TNRC18: variants seen among roughly 807,000 people sequenced by gnomAD.
The protein encoded by TNRC18 is trinucleotide repeat containing 18.
Under a neutral mutation model 226.7 loss-of-function variants are expected in TNRC18, and 69 were observed. The observed-to-expected ratio is 0.30, with a 90% CI of 0.25 to 0.37. TNRC18 has a LOEUF of 0.37. Ranked by LOEUF, TNRC18 falls within the 10% of genes least tolerant of loss-of-function variation. The pLI is 1.00. For synonymous variants in TNRC18, 2,449 were observed against 1,927.6 expected, an observed-to-expected ratio of 1.27 and a Z score of -7.09; for missense variants, 4,754 against 4,256.6, an observed-to-expected ratio of 1.12 and a Z score of -3.25.
chr7:5,361,070 T>C (rs1192074146), intron 14 of TNRC18, among the ~76,000 whole-genome samples: 1 of 152,058 alleles, frequency 6.6e-6, no homozygotes, highest in Admixed American at 6.6e-5. Context: ...AAGCTCTCAT[T>C]CCAGCTGGCG....
chr7:5,420,873 G>A, intron 2 of TNRC18, 187 bp downstream of exon 2: 1 of 797,132 alleles, frequency 1.3e-6, no homozygotes, highest in South Asian at 1.5e-5. Context: ...GCCGAGCCGC[G>A]CGACACTCTC....
chr7:5,384,725 T>C (rs1324609642), intron 5 of TNRC18, among the ~76,000 whole-genome samples: 3 of 152,156 alleles, frequency 2.0e-5, no homozygotes, highest in Non-Finnish European at 4.4e-5. Flanking sequence ...GGAGACCTTT[T>C]TCCATCACCA....
At chr7:5,387,386 T>C (rs1207430025) in intron 5 of TNRC18, among the ~76,000 whole-genome samples, 1 of 152,206 alleles carries the variant, frequency 6.6e-6, no homozygotes, top group Admixed American at 6.5e-5. Flanking sequence ...AGACCATCTG[T>C]TCTCAGGAAA....
intron 11 of TNRC18, 39 bp downstream of exon 11, chr7:5,370,336 C>T (rs1180409587): frequency 1.3e-5 from 19 of 1,511,494 alleles, no homozygotes; most frequent in Non-Finnish European, 1.6e-5. Context: ...AAAACTAAAA[C>T]TCACGAATCT....
rs757926552 is a variant in TNRC18 at position 5,332,823 on chromosome 7, G to C, written c.5946C>G (p.Phe1982Leu). 34 of 1,507,620 alleles carry C rather than the reference G, an allele frequency of 2.3e-5. No individual in the cohort carries two copies. Among genetic ancestry groups the C allele is most frequent in the Non-Finnish European group, 2.7e-5 (31 of 1,137,172 alleles). The allele number at this position is 1,507,620 out of a possible 1,614,324, so 93.4% of individuals were successfully genotyped here. The part of the protein sequence containing the change: ...RKLRGPKEPG[F>L]EAGPEASDDD... ...CGTCGCTGGCCTCGGGCCCCGCCTC[G>C]AAGCCAGGCTCCTTGGGGCCCCGCA... is the stretch of plus-strand genomic sequence containing the variant. Residue 1982 changes from phenylalanine to leucine, a missense_variant, in exon 19 of 30, where the codon TTC becomes TTG. Transcript: ENST00000430969.
intron 19 of TNRC18, among the ~76,000 whole-genome samples, chr7:5,331,027 A>G (rs2128125743): frequency 6.6e-6 from 1 of 152,236 alleles, no homozygotes; most frequent in Non-Finnish European, 1.5e-5. Flanking sequence ...CAAGGCCTTC[A>G]AAAACCTGAG....
intron 5 of TNRC18, among the ~76,000 whole-genome samples, chr7:5,379,590 G>A (rs1779254887): frequency 6.6e-6 from 1 of 152,176 alleles, no homozygotes; most frequent in Non-Finnish European, 1.5e-5. Context: ...ACAGGGAGCG[G>A]CGGAGTGGCA....
At chr7:5,361,514 G>A (rs1169636312) in intron 14 of TNRC18, 80 bp downstream of exon 14, 13 of 1,409,984 alleles carry the variant, frequency 9.2e-6, no homozygotes, top group Middle Eastern at 2.6e-4. Context: ...CCAGCACCCC[G>A]AGGCAGGCCC....
At chr7:5,397,987 T>C (rs1386304865) in intron 2 of TNRC18, among the ~76,000 whole-genome samples, 4 of 152,062 alleles carry the variant, frequency 2.6e-5, no homozygotes, top group East Asian at 1.9e-4. Context: ...GATTACCCAA[T>C]TGCACGAGTG....
intron 15 of TNRC18, among the ~76,000 whole-genome samples, chr7:5,358,456 G>A (rs190303431): frequency 1.1e-4 from 16 of 152,246 alleles, no homozygotes; most frequent in African/African-American, 3.4e-4. Context: ...GTTAACACTG[G>A]CAATCTTTCT....
At chr7:5,308,444 G>T (rs1786812619) in intron 29 of TNRC18, 132 bp from the exon 30 acceptor site, 2 of 809,062 alleles carry the variant, frequency 2.5e-6, no homozygotes, top group East Asian at 5.3e-5. Flanking sequence ...GTCAGAGACA[G>T]AGGCTGAGTA....
Position 5,421,400 on chromosome 7 carries a change from G to T in TNRC18, c.-154C>A. 1 of 609,412 alleles carries T rather than the reference G, an allele frequency of 1.6e-6. No homozygotes were observed. Among genetic ancestry groups the T allele is most frequent in the Non-Finnish European group, 2.1e-6 (1 of 472,336 alleles). The allele number at this position is 609,412 out of a possible 1,614,324, so 37.8% of individuals were successfully genotyped here. On this transcript the variant is annotated 5_prime_UTR_variant, in exon 2 of 30. Coordinates refer to ENST00000430969, the MANE Select transcript of TNRC18 (RefSeq NM_001080495.3). Reference sequence around the variant, plus strand: ...CGGCCAGCGGGGCTTGCGCTCGGCGGCGGGCCCGCGGCCCGGGGCGCACAG... The same window carrying T: ...CGGCCAGCGGGGCTTGCGCTCGGCGTCGGGCCCGCGGCCCGGGGCGCACAG...
At position 5,308,131 on chromosome 7, in the gene TNRC18, G is replaced by T; in HGVS notation, c.8882C>A (p.Thr2961Lys). The T allele has an allele frequency of 6.4e-7, 1 of 1,558,308 alleles. No individual in the cohort carries two copies. The highest frequency in any genetic ancestry group is 8.7e-7 in the Non-Finnish European group (1 of 1,152,072). ...YEPTTGMIFS[T>K]DGVPVLC The stretch of plus-strand genomic sequence containing the variant: ...TCAGCAGAGCACGGGCACGCCGTCC[G>T]TGGAGAAGATCATGCCCGTGGTGGG... Residue 2961 changes from threonine to lysine, a missense_variant, in exon 30 of 30, where the codon ACG (threonine) becomes AAG (lysine). Physicochemically the swap from Thr to Lys is moderately conservative, Grantham distance 78 (BLOSUM62 -1). Coordinates refer to ENST00000430969, the MANE Select transcript of TNRC18 (RefSeq NM_001080495.3).
At chr7:5,367,586 C>G (rs970469949) in intron 11 of TNRC18, among the ~76,000 whole-genome samples, 2 of 151,308 alleles carry the variant, frequency 1.3e-5, no homozygotes, top group African/African-American at 4.8e-5. Flanking sequence ...CGCCACCACG[C>G]CCAGCTAATT....
intron 10 of TNRC18, among the ~76,000 whole-genome samples, chr7:5,372,041 G>A (rs1794203864): frequency 6.6e-6 from 1 of 151,346 alleles, no homozygotes; most frequent in Non-Finnish European, 1.5e-5. Flanking sequence ...GGGACAAGAA[G>A]CATAAGCATG....
At chr7:5,380,022 C>T (rs180687712) in intron 5 of TNRC18, among the ~76,000 whole-genome samples, 1 of 152,220 alleles carries the variant, frequency 6.6e-6, no homozygotes, top group Admixed American at 6.5e-5. Flanking sequence ...ACAAGGTCCC[C>T]ACCCAGCTGT....
chr7:5,321,478 G>A (rs1788351805), intron 21 of TNRC18, among the ~76,000 whole-genome samples: 1 of 152,034 alleles, frequency 6.6e-6, no homozygotes, highest in African/African-American at 2.4e-5. Context: ...TGAACCCAGA[G>A]ATGAAAGCCT....
chr7:5,389,008 C>A lies in TNRC18; in HGVS notation c.816G>T (p.Lys272Asn), dbSNP rs748682322. ...GTACCGACGGCTGCAGCGCCGCATT[C>A]TTGGTCTTGGACTCAGCCAGGAAGG... Reference protein sequence around the residue: ...LSPFLAESKTKNAALQPSVLT... With the variant: ...LSPFLAESKTNNAALQPSVLT... The change falls in exon 5 of 30, where the codon AAG becomes AAT. Residue 272 changes from lysine (K) to asparagine (N), a missense_variant. By Grantham distance (94) the Lys-to-Asn change is moderately conservative. Coordinates refer to ENST00000430969, the MANE Select transcript of TNRC18 (RefSeq NM_001080495.3). 20 of 1,353,416 alleles carry A rather than the reference C, an allele frequency of 1.5e-5. No individual in the cohort carries two copies. In the East Asian group the frequency reaches 2.5e-4, roughly 17 times the overall value. 83.8% of individuals were successfully genotyped at this position (1,353,416 alleles called of 1,614,324 possible). A position where few individuals can be genotyped will look rare whatever the true frequency, so the allele number is the denominator to read the frequency against.
At chr7:5,389,480 G>C (rs1780128364) in intron 4 of TNRC18, 144 bp from the exon 5 acceptor site, 2 of 333,300 alleles carry the variant, frequency 6.0e-6, no homozygotes, top group East Asian at 9.7e-4. Context: ...TTCAGAAAGA[G>C]TCTCGCTCTC....
Sources: gnomAD v4.1 joint callset for allele counts (sites outside exome capture counted in the v4.1 genomes callset) on GRCh38, gnomAD v4.1.1 for gene constraint, MANE v1.5 for transcripts, NCBI Gene and HGNC (gene_info 2026-07-23, HGNC 2026-07-21) for gene names.